Variants in PDE4B observed in about 807,000 individuals in gnomAD.
PDE4B encodes the protein phosphodiesterase 4B, also known as 3',5'-cyclic-AMP phosphodiesterase 4B.
Under a neutral mutation model 82.2 loss-of-function variants are expected in PDE4B, and 20 were observed. That is an observed-to-expected ratio of 0.24 (90% confidence interval 0.17 to 0.35). PDE4B has a LOEUF of 0.35. Among genes scored for constraint, PDE4B ranks in the 10% least tolerant of loss-of-function variants. PDE4B has a pLI of 1.00. For synonymous variants in PDE4B, 320 were observed against 318.9 expected (o/e 1.00, Z -0.04); for missense variants, 655 against 907.2 (o/e 0.72, Z 3.57).
chr1:66,179,857 T>TA (rs1457681658), intron 3 of PDE4B, among the ~76,000 whole-genome samples: 1 of 152,126 alleles, frequency 6.6e-6, no homozygotes, highest in Non-Finnish European at 1.5e-5. Context: ...AATCCTTTCT[T>TA]ACGAGTTCGG....
chr1:65,805,245 G>A (rs1487295057), intron 1 of PDE4B, among the ~76,000 whole-genome samples: 1 of 152,158 alleles, frequency 6.6e-6, no homozygotes, highest in Non-Finnish European at 1.5e-5. Context: ...GATTACAGGC[G>A]TGAGCCACTG....
intron 9 of PDE4B, among the ~76,000 whole-genome samples, chr1:66,356,549 C>T (rs1261822867): frequency 6.6e-6 from 1 of 152,244 alleles, no homozygotes; most frequent in Non-Finnish European, 1.5e-5. Flanking sequence ...GACCCATTCT[C>T]ACAGCTGAAC....
intron 3 of PDE4B, among the ~76,000 whole-genome samples, chr1:66,007,450 A>ACC (rs200296210): frequency 6.6e-6 from 1 of 150,506 alleles, no homozygotes; most frequent in Non-Finnish European, 1.5e-5. Context: ...GAACAAAACA[A>ACC]CCCCCCCCAA....
chr1:66,019,266 G>A (rs956785798), intron 3 of PDE4B, among the ~76,000 whole-genome samples: 2 of 151,676 alleles, frequency 1.3e-5, no homozygotes, highest in African/African-American at 4.8e-5. Flanking sequence ...AGAACAAGTC[G>A]ATAGTTCACA....
chr1:65,822,706 A>G (rs1645967089), intron 1 of PDE4B, among the ~76,000 whole-genome samples: 1 of 152,112 alleles, frequency 6.6e-6, no homozygotes, highest in African/African-American at 2.4e-5. Flanking sequence ...CTTCTACCAC[A>G]TGAGGACACA....
chr1:65,885,958 C>A (rs1024440487), intron 1 of PDE4B, among the ~76,000 whole-genome samples: 1 of 150,552 alleles, frequency 6.6e-6, no homozygotes, highest in African/African-American at 2.4e-5. Context: ...CAGCCACTAG[C>A]CATATGTGAC....
chr1:66,214,752 T>C (rs1289542424), intron 3 of PDE4B, among the ~76,000 whole-genome samples: 1 of 152,150 alleles, frequency 6.6e-6, no homozygotes, highest in African/African-American at 2.4e-5. Context: ...CCAAAACCCA[T>C]TAACAAATTG....
chr1:66,332,287 G>C (rs1218140634), intron 7 of PDE4B: 24 of 1,514,574 alleles, frequency 1.6e-5, no homozygotes, highest in Non-Finnish European at 1.9e-5. Context: ...CATCCAGGCG[G>C]GGGGTTGGGG....
At chr1:66,096,521 T>C (rs1045469632) in intron 3 of PDE4B, among the ~76,000 whole-genome samples, 21 of 135,356 alleles carry the variant, frequency 1.6e-4, no homozygotes, top group South Asian at 1.2e-3. Context: ...TATATATATA[T>C]ATATATATAT....
At chr1:65,850,566 T>A (rs4405117) in intron 1 of PDE4B, among the ~76,000 whole-genome samples, 16,999 of 152,212 alleles carry the variant, frequency 0.11, 1,072 homozygotes, top group Non-Finnish European at 0.14. Context: ...TGTATCTTTT[T>A]ATGAGAAGTT....
intron 3 of PDE4B, among the ~76,000 whole-genome samples, chr1:66,142,248 G>A (rs532699923): frequency 1.3e-5 from 2 of 152,168 alleles, no homozygotes; most frequent in African/African-American, 4.8e-5. Flanking sequence ...GGGATAAGTG[G>A]ACCTGTATGC....
At chr1:65,914,575 C>T (rs1331802628) in intron 2 of PDE4B, among the ~76,000 whole-genome samples, 1 of 145,578 alleles carries the variant, frequency 6.9e-6, no homozygotes, top group Non-Finnish European at 1.5e-5. Flanking sequence ...TAAAAGAAAA[C>T]TTCTGGAATT....
rs138492099 is a variant in PDE4B at position 66,236,605 on chromosome 1, GGTTT to G, written c.282-10846_282-10843del. ...TTTTACTAGTTATTTTTTGTTTGTG[GGTTT>G]GTTTGTTTTTGATACAAAACTTTAC... On this transcript the variant is annotated intron_variant, in intron 3 of 16. Coordinates refer to ENST00000341517, the MANE Select transcript of PDE4B (RefSeq NM_002600.4). Among the ~76,000 whole-genome samples, 604 of 151,968 alleles carry G rather than the reference GGTTT, an allele frequency of 4.0e-3. 2 individuals are homozygous for G. Among genetic ancestry groups the G allele is most frequent in the Admixed American group, 6.1e-3 (93 of 15,250 alleles).
intron 1 of PDE4B, among the ~76,000 whole-genome samples, chr1:65,833,851 A>C (rs906432332): frequency 7.2e-5 from 11 of 152,202 alleles, no homozygotes; most frequent in African/African-American, 2.4e-4. Flanking sequence ...TTAAACTTAC[A>C]ATTAAATTAT....
chr1:65,884,060 A>G (rs1646741497), intron 1 of PDE4B, among the ~76,000 whole-genome samples: 1 of 152,140 alleles, frequency 6.6e-6, no homozygotes, highest in African/African-American at 2.4e-5. Context: ...TTGGTTTGCC[A>G]GTATTTTATT....
chr1:66,064,047 C>T (rs777114320), intron 3 of PDE4B, among the ~76,000 whole-genome samples: 13 of 151,810 alleles, frequency 8.6e-5, no homozygotes, highest in Non-Finnish European at 1.8e-4. Context: ...TGCTTTTCTT[C>T]GGAGAGTAAT....
intron 1 of PDE4B, among the ~76,000 whole-genome samples, chr1:65,901,891 T>A (rs2100423520): frequency 6.6e-6 from 1 of 152,236 alleles, no homozygotes; most frequent in Admixed American, 6.5e-5. Context: ...CTTAGATCAT[T>A]GATTTGAGAT....
At chr1:65,898,603 C>T (rs899158103) in intron 1 of PDE4B, among the ~76,000 whole-genome samples, 6 of 151,862 alleles carry the variant, frequency 4.0e-5, no homozygotes, top group East Asian at 3.9e-4. Flanking sequence ...TCATGGTACT[C>T]GTATAAAAAT....
intron 9 of PDE4B, among the ~76,000 whole-genome samples, chr1:66,356,635 A>G (rs1308394139): frequency 6.6e-6 from 1 of 152,224 alleles, no homozygotes; most frequent in East Asian, 1.9e-4. Context: ...CCTTACTGAA[A>G]CAAATACCTT....
Sources: allele counts gnomAD v4.1 joint callset (sites outside exome capture counted in the v4.1 genomes callset), GRCh38; gene constraint gnomAD v4.1.1; transcripts MANE v1.5; gene names NCBI Gene and HGNC (gene_info 2026-07-23, HGNC 2026-07-21).